Variants in MME observed in about 807,000 individuals in gnomAD.
MME encodes membrane metalloendopeptidase, also known as neprilysin.
A neutral mutation model predicts 113.2 loss-of-function variants in MME; 98 were observed. The ratio of observed to expected loss-of-function variants is 0.87; its 90% CI spans 0.74 to 1.02. The LOEUF (loss-of-function observed/expected upper bound fraction) is 1.02. Ranked by LOEUF, MME falls within the 50% of genes least tolerant of loss-of-function variation. The pLI, the probability that MME is intolerant of heterozygous loss-of-function variation, is 0.00. For missense variants in MME, 836 were observed against 896.0 expected (o/e 0.93, Z 0.86); for synonymous variants, 292 against 300.6 (o/e 0.97, Z 0.30).
chr3:155,133,028 C>CAA (rs1366607218), intron 8 of MME, among the ~76,000 whole-genome samples: 6 of 54,170 alleles, frequency 1.1e-4, no homozygotes, highest in Non-Finnish European at 2.2e-4. Context: ...GCAACAAGAG[C>CAA]AAACCCCGTC....
At chr3:155,108,367 G>A (rs960151494) in intron 3 of MME, among the ~76,000 whole-genome samples, 1 of 151,974 alleles carries the variant, frequency 6.6e-6, no homozygotes, top group Admixed American at 6.6e-5. Flanking sequence ...AGGCCGAGGC[G>A]GGTGGATTAC....
chr3:155,145,111 CA>C (rs1178154758), intron 14 of MME, among the ~76,000 whole-genome samples: 1 of 152,070 alleles, frequency 6.6e-6, no homozygotes, highest in African/African-American at 2.4e-5. Flanking sequence ...TATCTTTTTT[CA>C]GCTCTCAAAG....
chr3:155,138,944 C>A (rs975046054), intron 9 of MME, among the ~76,000 whole-genome samples: 14 of 152,038 alleles, frequency 9.2e-5, no homozygotes, highest in African/African-American at 3.4e-4. Flanking sequence ...CCACAGAGTT[C>A]TCTTTGTCAT....
chr3:155,130,935 A>G lies in MME; in HGVS notation c.721-7167A>G, dbSNP rs77439876. ...TTCTAGGCAGTAGACATTCCAAGGA[A>G]ACAAGGTCCTTGTTCTCATGGAACT... On this transcript the variant is annotated intron_variant, in intron 8 of 22. Transcript: ENST00000360490. 4.7e-3 allele frequency among the ~76,000 whole-genome samples: 715 copies of G among 152,326 alleles called. 7 individuals are homozygous for G. Among genetic ancestry groups the G allele is most frequent in the African/African-American group, 0.016 (682 of 41,574 alleles).
Position 155,066,997 on chromosome 3 carries a change from T to C in MME, c.-10-17161T>C, listed in dbSNP as rs576413138. On this transcript the variant is annotated intron_variant, in intron 1 of 22. Coordinates refer to the MME transcript ENST00000492661. ...CCTCCTAACATTAGAACGCATAGCA[T>C]GTTTTAGAACTCACCGATTTAGAGA... is the stretch of plus-strand genomic sequence containing the variant. 4.6e-5 allele frequency among the ~76,000 whole-genome samples: 7 copies of C among 152,248 alleles called. 1 individual carries two copies. The South Asian group carries it at 1.5e-3, about 32-fold the overall frequency.
intron 1 of MME, among the ~76,000 whole-genome samples, chr3:155,063,591 AAATATATTATATTTGATTATATAATATAT>A (rs1433133020): frequency 7.8e-5 from 7 of 89,894 alleles, no homozygotes; most frequent in African/African-American, 1.0e-4. Flanking sequence ...TATATATAAT[AAATATATTATATTTGATTATATAATATAT>A]AATATATTAT....
chr3:155,076,264 GTATATC>G (rs1295909464), upstream of MME, among the ~76,000 whole-genome samples: 3 of 152,200 alleles, frequency 2.0e-5, no homozygotes, highest in Non-Finnish European at 4.4e-5. Context: ...AAAAAAGCAA[GTATATC>G]TATGTTTCTT....
At chr3:155,161,771 C>A (rs966117712) in intron 17 of MME, among the ~76,000 whole-genome samples, 1 of 152,068 alleles carries the variant, frequency 6.6e-6, no homozygotes, top group Non-Finnish European at 1.5e-5. Context: ...GTTTACTTGG[C>A]TTAAAATTAC....
upstream of MME, among the ~76,000 whole-genome samples, chr3:155,074,814 T>C (rs895527611): frequency 2.0e-5 from 3 of 152,178 alleles, no homozygotes; most frequent in East Asian, 3.8e-4. Context: ...TATTTAATCA[T>C]GTTAAGGTCC....
chr3:155,081,130 T>G (rs758237048), intron 1 of MME: 1 of 152,224 alleles, frequency 6.6e-6, no homozygotes, highest in Non-Finnish European at 1.5e-5. Context: ...TGGAAACTGT[T>G]TCTCCTTCTT....
intron 3 of MME, among the ~76,000 whole-genome samples, chr3:155,099,484 C>A (rs1717019795): frequency 6.6e-6 from 1 of 152,144 alleles, no homozygotes; most frequent in East Asian, 1.9e-4. Flanking sequence ...ACTGTGTAGA[C>A]TAGACTAGAT....
At chr3:155,093,481 A>G (rs1716465883) in intron 3 of MME, among the ~76,000 whole-genome samples, 1 of 152,158 alleles carries the variant, frequency 6.6e-6, no homozygotes, top group Admixed American at 6.5e-5. Flanking sequence ...CAGAGCAGTT[A>G]GCAGTTCCTG....
intron 20 of MME, among the ~76,000 whole-genome samples, chr3:155,171,688 C>T (rs1393886588): frequency 1.3e-5 from 2 of 152,132 alleles, no homozygotes; most frequent in African/African-American, 4.8e-5. Flanking sequence ...AAGAATCACT[C>T]GATCTTAGTC....
rs556170249 is a variant in MME, at chr3:155,124,961, C to G, written c.720+6150C>G. Among the ~76,000 whole-genome samples, 22 of 152,298 alleles carry G rather than the reference C, an allele frequency of 1.4e-4. No individual in the cohort carries two copies. In the South Asian group the frequency reaches 3.1e-3, roughly 21 times the overall value. On this transcript the variant is annotated intron_variant, in intron 8 of 22. Coordinates refer to ENST00000360490, the MANE Select transcript of MME (RefSeq NM_007289.4). ...GTGGACTCCACCCAGTTCGAGCTTC[C>G]GGGCTGCTTTGTTTACCTAAGCAAG...
chr3:155,173,520 A>G (rs1712205796), intron 22 of MME, among the ~76,000 whole-genome samples: 1 of 152,032 alleles, frequency 6.6e-6, no homozygotes, highest in Admixed American at 6.6e-5. Context: ...GAAGCAATAA[A>G]GTAGTTCATT....
intron 1 of MME, among the ~76,000 whole-genome samples, chr3:155,043,026 TTTTTGTTTTTTTAA>T (rs1350709500): frequency 1.0e-4 from 15 of 145,822 alleles, no homozygotes; most frequent in Non-Finnish European, 1.7e-4. Flanking sequence ...TACTCACATT[TTTTTGTTTTTTTAA>T]TTTTGTTTTT....
intron 3 of MME, among the ~76,000 whole-genome samples, chr3:155,098,491 G>T (rs1716930066): frequency 1.3e-5 from 2 of 151,970 alleles, no homozygotes. Flanking sequence ...AGGAGGTGGA[G>T]GTTGCAATGA....
At chr3:155,119,529 C>G (rs1472557105) in intron 8 of MME, among the ~76,000 whole-genome samples, 11 of 132,316 alleles carry the variant, frequency 8.3e-5, no homozygotes, top group African/African-American at 2.6e-4. Context: ...AACTCGTCAT[C>G]TAGCATTAGG....
chr3:155,160,120 T>C (rs1489290543), intron 16 of MME, among the ~76,000 whole-genome samples: 2 of 152,036 alleles, frequency 1.3e-5, no homozygotes, highest in Admixed American at 6.6e-5. Flanking sequence ...AAGTGATACA[T>C]TTTAATAGGT....
Sources: gnomAD v4.1 joint callset for allele counts (sites outside exome capture counted in the v4.1 genomes callset) on GRCh38, gnomAD v4.1.1 for gene constraint, MANE v1.5 for transcripts, NCBI Gene and HGNC (gene_info 2026-07-23, HGNC 2026-07-21) for gene names.